ALK: variants seen among roughly 807,000 people sequenced by gnomAD.
ALK encodes the protein ALK receptor tyrosine kinase.
ALK carries 74 observed loss-of-function variants against 163.1 expected under a neutral mutation model. That is an observed-to-expected ratio of 0.45 (90% confidence interval 0.38 to 0.55). The LOEUF is 0.55. Ranked by LOEUF, ALK falls within the 20% of genes least tolerant of loss-of-function variation. ALK has a pLI of 0.00. For synonymous variants in ALK, 960 were observed against 843.2 expected, an observed-to-expected ratio of 1.14 and a Z score of -2.40; for missense variants, 2,063 against 2,105.3, an observed-to-expected ratio of 0.98 and a Z score of 0.39.
intron 3 of ALK, among the ~76,000 whole-genome samples, chr2:29,686,005 C>T (rs969602500): frequency 2.0e-5 from 3 of 152,192 alleles, no homozygotes; most frequent in South Asian, 2.1e-4. Context: ...GACTCTCCTG[C>T]CTCCCTCCTT....
chr2:29,245,113 C>A (rs1483957733), intron 12 of ALK, among the ~76,000 whole-genome samples: 1 of 148,812 alleles, frequency 6.7e-6, no homozygotes, highest in African/African-American at 2.6e-5. Flanking sequence ...TGGCTCAGTG[C>A]CCTGCACACA....
At chr2:29,411,744 T>C (rs12052324) in intron 4 of ALK, among the ~76,000 whole-genome samples, 144,415 of 152,248 alleles carry the variant, frequency 0.95, 68,914 homozygotes, top group Non-Finnish European at 1. Context: ...TTCCAACAAC[T>C]CATTAGTCAA....
At chr2:29,641,426 C>T (rs1676697587) in intron 3 of ALK, among the ~76,000 whole-genome samples, 1 of 152,138 alleles carries the variant, frequency 6.6e-6, no homozygotes, top group Non-Finnish European at 1.5e-5. Context: ...AAGTGAACCA[C>T]CGCAAGTCCA....
In ALK at chr2:29,694,931, G is replaced by T. The variant is rs748854412; in HGVS notation, c.871C>A (p.Arg291Ser). The change falls in exon 3 of 29, where the codon CGC (arginine) becomes AGC (serine). Residue 291 changes from arginine to serine, a missense_variant. By Grantham distance (110) the Arg-to-Ser change is moderately radical. Coordinates refer to ENST00000389048, the MANE Select transcript of ALK (RefSeq NM_004304.5). Reference protein sequence around the residue: ...HDLRNQSWSWRRIPSEEASQM... With the variant: ...HDLRNQSWSWSRIPSEEASQM... The stretch of plus-strand genomic sequence containing the variant: ...GAGGCCTCCTCGGAGGGGATGCGGC[G>T]CCAGGACCAGCTCTGGTTCCTGAGG... The T allele has an allele frequency of 3.1e-6, 5 of 1,614,102 alleles. No homozygotes were observed. The highest frequency in any genetic ancestry group is 2.2e-5 in the East Asian group (1 of 44,864).
intron 1 of ALK, among the ~76,000 whole-genome samples, chr2:29,864,479 T>C (rs1168435681): frequency 6.6e-6 from 1 of 152,334 alleles, no homozygotes; most frequent in Non-Finnish European, 1.5e-5. Context: ...CTTTTCTACT[T>C]AGTGTTTTTG....
intron 3 of ALK, among the ~76,000 whole-genome samples, chr2:29,596,305 C>G (rs1165541470): frequency 6.6e-6 from 1 of 152,164 alleles, no homozygotes; most frequent in Non-Finnish European, 1.5e-5. Context: ...GAAAATGACT[C>G]TGGGGTTCAC....
At chr2:29,827,918 A>G (rs1665246347) in intron 1 of ALK, among the ~76,000 whole-genome samples, 1 of 152,230 alleles carries the variant, frequency 6.6e-6, no homozygotes. Flanking sequence ...TTCAAACTAT[A>G]CTACAAGGCT....
rs191174895 is a variant in ALK, at chr2:29,346,099, A to T, written c.1283-17618T>A. 7.2e-5 allele frequency among the ~76,000 whole-genome samples: 11 copies of T among 152,344 alleles called. No individual in the cohort carries two copies. In the East Asian group the frequency reaches 1.5e-3, roughly 21 times the overall value. On this transcript the variant is annotated intron_variant, in intron 5 of 28. Transcript: ENST00000389048. ...AATTTCTCTAAAAGAAGCATGAGTG[A>T]GTCAGTCCTTCTTTTTCCTTCCTAG...
chr2:29,888,690 A>AT (rs1667055418), intron 1 of ALK, among the ~76,000 whole-genome samples: 1 of 152,228 alleles, frequency 6.6e-6, no homozygotes, highest in Admixed American at 6.5e-5. Context: ...AAAATTTGAT[A>AT]TATGTCCATG....
chr2:29,380,915 A>G (rs991718978), intron 5 of ALK, among the ~76,000 whole-genome samples: 1 of 152,248 alleles, frequency 6.6e-6, no homozygotes, highest in Non-Finnish European at 1.5e-5. Context: ...CATATCAAGT[A>G]TCTAGACAGA....
At chr2:29,623,853 T>C (rs1231726023) in intron 3 of ALK, among the ~76,000 whole-genome samples, 2 of 152,216 alleles carry the variant, frequency 1.3e-5, no homozygotes, top group African/African-American at 4.8e-5. Context: ...ATTTTAGAAA[T>C]TTTATAATAT....
chr2:29,709,265 C>T (rs990501369), intron 2 of ALK, among the ~76,000 whole-genome samples: 2 of 152,170 alleles, frequency 1.3e-5, no homozygotes, highest in Non-Finnish European at 2.9e-5. Flanking sequence ...GAACTGGTCT[C>T]CCCCTCAGAC....
At chr2:29,834,859 T>C (rs752843671) in intron 1 of ALK, among the ~76,000 whole-genome samples, 3 of 152,188 alleles carry the variant, frequency 2.0e-5, no homozygotes, top group Non-Finnish European at 4.4e-5. Context: ...GTACCATCAA[T>C]TGCAGCAAAA....
chr2:29,593,473 C>T (rs771774846), intron 3 of ALK, among the ~76,000 whole-genome samples: 13 of 152,362 alleles, frequency 8.5e-5, no homozygotes, highest in Admixed American at 3.3e-4. Context: ...CCCTTTCATT[C>T]TATACCCTGT....
intron 4 of ALK, among the ~76,000 whole-genome samples, chr2:29,418,900 T>C (rs1669947502): frequency 6.6e-6 from 1 of 151,776 alleles, no homozygotes; most frequent in South Asian, 2.1e-4. Context: ...TATTCATTCA[T>C]CATTGAAAAA....
intron 11 of ALK, among the ~76,000 whole-genome samples, chr2:29,274,255 T>G (rs1665469788): frequency 6.6e-6 from 1 of 152,272 alleles, no homozygotes; most frequent in African/African-American, 2.4e-5. Context: ...AAAAAAGGAT[T>G]TCACATTATA....
chr2:29,756,042 C>G (rs552757695), intron 1 of ALK, among the ~76,000 whole-genome samples: 1 of 152,208 alleles, frequency 6.6e-6, no homozygotes, highest in Non-Finnish European at 1.5e-5. Context: ...GAGCACTGAG[C>G]GGGACTAATA....
chr2:29,920,369 CG>C lies in ALK; in HGVS notation c.290del (p.Pro97ArgfsTer31). 2 of 1,557,104 alleles carry C rather than the reference CG, an allele frequency of 1.3e-6. No homozygotes were observed. The highest frequency in any genetic ancestry group is 1.7e-6 in the Non-Finnish European group (2 of 1,151,636). On this transcript the variant is annotated frameshift_variant, in exon 1 of 29. Coordinates refer to ENST00000389048, the MANE Select transcript of ALK (RefSeq NM_004304.5). LOFTEE classifies it high-confidence loss of function. ...ARGSLALDCA[P>X]LLRLLGPAPG... ...GCGCCGGCCCCAGCAACCTGAGCAGCGGGGCGCAGTCCAGAGCTAGCGAGCC... is the reference window on the plus strand; with the variant it reads ...GCGCCGGCCCCAGCAACCTGAGCAGCGGGCGCAGTCCAGAGCTAGCGAGCC...
chr2:29,385,309 A>T (rs1370248795), intron 4 of ALK, among the ~76,000 whole-genome samples: 1 of 152,120 alleles, frequency 6.6e-6, no homozygotes, highest in Non-Finnish European at 1.5e-5. Context: ...GATAATGGAA[A>T]GTAAAAGTCA....
Sources: allele counts gnomAD v4.1 joint callset (sites outside exome capture counted in the v4.1 genomes callset), GRCh38; gene constraint gnomAD v4.1.1; transcripts MANE v1.5; gene names NCBI Gene and HGNC (gene_info 2026-07-23, HGNC 2026-07-21).